SNAP25: variants seen among roughly 807,000 people sequenced by gnomAD.
The protein encoded by SNAP25 is synaptosomal-associated protein 25.
In SNAP25, 3 loss-of-function variants were observed where a neutral mutation model predicts 28.7. The ratio of observed to expected loss-of-function variants is 0.10; its 90% CI spans 0.05 to 0.27. The LOEUF (loss-of-function observed/expected upper bound fraction) is 0.27, where lower values mean the gene tolerates loss of function less well. Among genes scored for constraint, SNAP25 ranks in the 10% least tolerant of loss-of-function variants. SNAP25 has a pLI of 1.00. For synonymous variants in SNAP25, 61 were observed against 88.1 expected, an observed-to-expected ratio of 0.69 and a Z score of 1.72; for missense variants, 117 against 278.7, an observed-to-expected ratio of 0.42 and a Z score of 4.13.
In SNAP25 at chr20:10,293,056, T is replaced by C; in HGVS notation, c.164-105T>C. Reference sequence around the variant, plus strand: ...CGTCCAGTTTTCTTTCTTTTTTTTTTTTTCTTTTTTAATGTCAAAGTGAAT... The same window carrying C: ...CGTCCAGTTTTCTTTCTTTTTTTTTCTTTCTTTTTTAATGTCAAAGTGAAT... On this transcript the variant is annotated intron_variant, in intron 4 of 7. Transcript: ENST00000254976. This position sits in a 1 kb window ranked among gnomAD's most constrained non-coding sequence, Gnocchi z 5.6. 1 of 1,474,386 alleles carries C rather than the reference T, an allele frequency of 6.8e-7. No homozygotes were observed. Among genetic ancestry groups the C allele is most frequent in the Non-Finnish European group, 9.2e-7 (1 of 1,086,112 alleles). The allele number at this position is 1,474,386 out of a possible 1,614,324, so 91.3% of individuals were successfully genotyped here.
In SNAP25 at chr20:10,277,687, G is replaced by T. The variant is rs147866099; in HGVS notation, c.75G>T (p.Ser25=). ...TTTGTTTGTTTTTTAAATCTTAGTC[G>T]CTGGAAAGCACCCGTCGTATGCTGC... ...QRRADQLADE[S]LESTRRMLQL... is the part of the protein sequence containing the mutation. The change falls in exon 3 of 8, where the codon TCG becomes TCT. Residue 25 remains serine, a splice_region_variant and synonymous_variant. Transcript: ENST00000254976. The T allele has an allele frequency of 2.2e-4, 354 of 1,613,178 alleles. No individual in the cohort carries two copies. The African/African-American group carries it at 4.2e-3, about 19-fold the overall frequency.
At chr20:10,234,557 GC>G in intron 1 of SNAP25, among the ~76,000 whole-genome samples, 1 of 152,282 alleles carries the variant, frequency 6.6e-6, no homozygotes, top group South Asian at 2.1e-4. Flanking sequence ...TATTCTCCCA[GC>G]CCTATAGGCA....
intron 1 of SNAP25, among the ~76,000 whole-genome samples, chr20:10,267,935 A>T (rs1395991928): frequency 3.9e-5 from 6 of 152,206 alleles, no homozygotes; most frequent in African/African-American, 1.4e-4. Flanking sequence ...TGTTTTTTAA[A>T]TCACCCAAAC....
chr20:10,276,117 C>T (rs1018358945), intron 2 of SNAP25, among the ~76,000 whole-genome samples: 1 of 152,162 alleles, frequency 6.6e-6, no homozygotes, highest in African/African-American at 2.4e-5. Context: ...TACCATGTGT[C>T]TTTCCAACTT....
At chr20:10,295,002 A>G (rs143358362) in intron 5 of SNAP25, among the ~76,000 whole-genome samples, 5 of 152,340 alleles carry the variant, frequency 3.3e-5, no homozygotes, top group African/African-American at 2.4e-5. Context: ...TAATGAAATG[A>G]TGGCTCCTAC....
intron 1 of SNAP25, among the ~76,000 whole-genome samples, chr20:10,239,211 T>A (rs1410778662): frequency 8.5e-5 from 13 of 152,300 alleles, no homozygotes; most frequent in Non-Finnish European, 1.5e-5. Context: ...TCATTTTAAA[T>A]CCCATCTTAG....
chr20:10,245,619 G>T (rs1395460952), intron 1 of SNAP25, among the ~76,000 whole-genome samples: 2 of 152,198 alleles, frequency 1.3e-5, no homozygotes, highest in Non-Finnish European at 2.9e-5. Flanking sequence ...CCGGGCGTGT[G>T]CCCAGATCCA....
At chr20:10,295,576 T>C (rs1178121840) in intron 5 of SNAP25, among the ~76,000 whole-genome samples, 1 of 152,156 alleles carries the variant, frequency 6.6e-6, no homozygotes, top group Non-Finnish European at 1.5e-5. Flanking sequence ...ATTTTCCAGT[T>C]TGTCTCTAGG....
At chr20:10,243,415 T>C (rs1226206172) in intron 1 of SNAP25, among the ~76,000 whole-genome samples, 1 of 152,140 alleles carries the variant, frequency 6.6e-6, no homozygotes, top group African/African-American at 2.4e-5. Flanking sequence ...TTTCAATTAG[T>C]GTTTCTTTTT....
chr20:10,254,642 T>C (rs561335261), intron 1 of SNAP25, among the ~76,000 whole-genome samples: 30 of 152,268 alleles, frequency 2.0e-4, no homozygotes, highest in Non-Finnish European at 3.8e-4. Context: ...CAGTTTGCCC[T>C]ATCCTGAGCT....
chr20:10,228,836 G>A (rs755518847), intron 1 of SNAP25, among the ~76,000 whole-genome samples: 1 of 152,080 alleles, frequency 6.6e-6, no homozygotes, highest in Admixed American at 6.6e-5. Context: ...TTACATGAAG[G>A]CCATATGCTT....
At chr20:10,224,945 G>T (rs189681776) in intron 1 of SNAP25, among the ~76,000 whole-genome samples, 1 of 151,746 alleles carries the variant, frequency 6.6e-6, no homozygotes, top group African/African-American at 2.4e-5. Flanking sequence ...TTCTTCTGCC[G>T]CTTAGCAAAG....
intron 1 of SNAP25, among the ~76,000 whole-genome samples, chr20:10,258,928 A>C (rs778330647): frequency 1.3e-5 from 2 of 152,166 alleles, no homozygotes; most frequent in Non-Finnish European, 2.9e-5. Flanking sequence ...CTAGAATATA[A>C]GCTAGTAGCT....
intron 5 of SNAP25, among the ~76,000 whole-genome samples, chr20:10,295,147 G>A (rs2064082279): frequency 6.6e-6 from 1 of 152,242 alleles, no homozygotes; most frequent in Admixed American, 6.5e-5. Context: ...CGCAGTGGCT[G>A]GTGGTGCCCT....
At chr20:10,286,327 G>A (rs900445104) in intron 4 of SNAP25, among the ~76,000 whole-genome samples, 3 of 152,164 alleles carry the variant, frequency 2.0e-5, no homozygotes, top group Non-Finnish European at 4.4e-5. Context: ...GAAGCAATTA[G>A]AAGCAAAAGA....
chr20:10,248,427 C>T (rs2063167292), intron 1 of SNAP25, among the ~76,000 whole-genome samples: 1 of 151,988 alleles, frequency 6.6e-6, no homozygotes, highest in Admixed American at 6.6e-5. Context: ...TATAATTAAC[C>T]ATAATCTCAT....
At chr20:10,292,813 C>A in intron 4 of SNAP25, 2 of 921,270 alleles carry the variant, frequency 2.2e-6, no homozygotes, top group Non-Finnish European at 3.4e-6. Context: ...TTCACATAGT[C>A]ATTTCTCATG....
chr20:10,299,555 A>G, intron 7 of SNAP25, 143 bp downstream of exon 7: 1 of 858,176 alleles, frequency 1.2e-6, no homozygotes, highest in South Asian at 1.9e-5. Context: ...TCATTTTCCA[A>G]GAGAAAAATA....
chr20:10,302,907 T>G (rs950977722), intron 7 of SNAP25, among the ~76,000 whole-genome samples: 3 of 152,152 alleles, frequency 2.0e-5, no homozygotes, highest in South Asian at 2.1e-4. Context: ...AAATCACAGA[T>G]GCTCATTGAA....
Sources: allele counts gnomAD v4.1 joint callset (sites outside exome capture counted in the v4.1 genomes callset), GRCh38; gene constraint gnomAD v4.1.1; non-coding constraint Gnocchi (gnomAD v3.1); transcripts MANE v1.5; gene names NCBI Gene and HGNC (gene_info 2026-07-23, HGNC 2026-07-21).